The following TARDBP variants were observed in gnomAD, a reference collection of about 807,000 sequenced individuals.
TARDBP encodes TAR DNA binding protein.
TARDBP carries 4 observed loss-of-function variants against 38.3 expected under a neutral mutation model. The ratio of observed to expected loss-of-function variants is 0.10; its 90% CI spans 0.05 to 0.24. TARDBP has a LOEUF of 0.24. Ranked by LOEUF, TARDBP falls within the 10% of genes least tolerant of loss-of-function variation. The pLI is 1.00. For missense variants in TARDBP, 202 were observed against 521.9 expected (o/e 0.39, Z 5.97); for synonymous variants, 184 against 183.8 (o/e 1.00, Z -0.01).
intron 5 of TARDBP, 32 bp downstream of exon 5, chr1:11,020,631 G>A (rs765392429): frequency 4.4e-6 from 7 of 1,599,774 alleles, no homozygotes; most frequent in Non-Finnish European, 4.2e-6. Flanking sequence ...TGTCCCGGCC[G>A]GGCGTGGTGG....
In TARDBP at chr1:11,023,636, A is replaced by G. The variant is rs1278655569; in HGVS notation, c.*982A>G. On this transcript the variant is annotated 3_prime_UTR_variant, in exon 6 of 6. Transcript: ENST00000240185. ...AATGTACGAATGTTTTTTGCATTCA[A>G]AGGACATCCACATCTGTTGGAAGAC... 6 of 247,068 alleles carry G rather than the reference A, an allele frequency of 2.4e-5. No homozygotes were observed. The highest frequency in any genetic ancestry group is 1.3e-3 in the Middle Eastern group (1 of 800). The allele number at this position is 247,068 out of a possible 1,614,324, so 15.3% of individuals were successfully genotyped here.
downstream of TARDBP, chr1:11,029,633 T>TC (rs1643807334): frequency 2.3e-5 from 2 of 87,480 alleles, no homozygotes; most frequent in East Asian, 3.1e-4. Context: ...ATTTTTAAAA[T>TC]CTTTTTTTTT....
downstream of TARDBP, chr1:11,030,261 T>A: frequency 6.2e-7 from 1 of 1,605,086 alleles, no homozygotes. Context: ...CTGCAAATCA[T>A]TGGAAAAGCA....
chr1:11,024,152 A>G lies in TARDBP; in HGVS notation c.*1498A>G, dbSNP rs925739782. On this transcript the variant is annotated 3_prime_UTR_variant, in exon 6 of 6. Transcript: ENST00000240185. ...TCATAAAGTTTCTTGGCAGTAGTTT[A>G]TTTTGCTTCAAATAAACTTATTTGA... The G allele has an allele frequency of 6.6e-6, 1 of 152,460 alleles. No homozygotes were observed. Among genetic ancestry groups the G allele is most frequent in the African/African-American group, 2.4e-5 (1 of 41,396 alleles). 9.4% of individuals were successfully genotyped at this position (152,460 alleles called of 1,614,324 possible). A position where few individuals can be genotyped will look rare whatever the true frequency, so the allele number is the denominator to read the frequency against.
At chr1:11,021,618 ACT>A (rs1643640765) in intron 5 of TARDBP, among the ~76,000 whole-genome samples, 1 of 151,712 alleles carries the variant, frequency 6.6e-6, no homozygotes, top group Non-Finnish European at 1.5e-5. Flanking sequence ...ACAGGGTCTC[ACT>A]CTGTTGCCCA....
chr1:11,023,306 G>A lies in TARDBP; in HGVS notation c.*652G>A, dbSNP rs1357976372. ...TTCTCATTCAAGAATTCGTCATCAC[G>A]CATCACAGGCCGCGTCTTTGACGGT... On this transcript the variant is annotated 3_prime_UTR_variant, in exon 6 of 6. Transcript: ENST00000240185. 22 of 1,524,152 alleles carry A rather than the reference G, an allele frequency of 1.4e-5. No individual in the cohort carries two copies. Among genetic ancestry groups the A allele is most frequent in the South Asian group, 3.6e-5 (3 of 83,034 alleles). 94.4% of individuals were successfully genotyped at this position (1,524,152 alleles called of 1,614,324 possible).
chr1:11,026,997 C>T, downstream of TARDBP: 1 of 1,597,024 alleles, frequency 6.3e-7, no homozygotes, highest in African/African-American at 1.3e-5. Flanking sequence ...CACTATTCCT[C>T]CCACAAACCA....
intron 2 of TARDBP, among the ~76,000 whole-genome samples, chr1:11,016,441 T>G (rs951617766): frequency 6.6e-6 from 1 of 152,322 alleles, no homozygotes; most frequent in South Asian, 2.1e-4. Context: ...CCACTGTACC[T>G]GGTTTTCTGT....
intron 4 of TARDBP, 34 bp from the exon 5 acceptor site, chr1:11,020,395 T>G: frequency 6.2e-7 from 1 of 1,613,526 alleles, no homozygotes; most frequent in East Asian, 2.2e-5. Context: ...CATAACATAT[T>G]TCTGAGTTTT....
chr1:11,017,888 T>C (rs1643559001), intron 3 of TARDBP, among the ~76,000 whole-genome samples: 1 of 50,092 alleles, frequency 2.0e-5, no homozygotes, highest in Non-Finnish European at 4.7e-5. Context: ...TTTCTCTTTT[T>C]TCTTTTTTTT....
downstream of TARDBP, among the ~76,000 whole-genome samples, chr1:11,029,314 T>A (rs943237913): frequency 4.6e-5 from 7 of 150,610 alleles, no homozygotes; most frequent in Admixed American, 3.3e-4. Context: ...TTTGTTTTTT[T>A]AAATCATTCT....
downstream of TARDBP, chr1:11,030,217 G>A (rs201988936): frequency 4.2e-5 from 68 of 1,613,478 alleles, no homozygotes; most frequent in African/African-American, 4.4e-4. Context: ...TTTGGAGCTC[G>A]TCCAGAATCC....
chr1:11,030,377 AT>A, downstream of TARDBP: 1 of 645,986 alleles, frequency 1.5e-6, no homozygotes, highest in Non-Finnish European at 2.7e-6. Flanking sequence ...CTGAAGAACC[AT>A]TTTACATGAT....
chr1:11,028,904 G>A (rs1260513841), downstream of TARDBP, among the ~76,000 whole-genome samples: 1 of 148,884 alleles, frequency 6.7e-6, no homozygotes, highest in Non-Finnish European at 1.5e-5. Flanking sequence ...TAATAGAGAT[G>A]GGGTTTCACC....
At chr1:11,018,334 G>T in intron 3 of TARDBP, 1 of 162,842 alleles carries the variant, frequency 6.1e-6, no homozygotes. Context: ...GACTACAGGT[G>T]CATGCCACTA....
At position 11,022,699 on chromosome 1, in the gene TARDBP, A is replaced by G; in HGVS notation, c.*45A>G. On this transcript the variant is annotated 3_prime_UTR_variant, in exon 6 of 6. Coordinates refer to ENST00000240185, the MANE Select transcript of TARDBP (RefSeq NM_007375.4). The surrounding 1 kb of genome is among the most constrained non-coding windows in gnomAD (Gnocchi z 4.5). ...TTGGTATAGAATGGTGGGAATTCAA[A>G]TTTTTCTAAACTCATGGTAAGTATA... 1 of 1,585,372 alleles carries G rather than the reference A, an allele frequency of 6.3e-7. No homozygotes were observed. The highest frequency in any genetic ancestry group is 1.2e-5 in the South Asian group (1 of 86,796).
intron 1 of TARDBP, among the ~76,000 whole-genome samples, chr1:11,013,157 G>A (rs890708990): frequency 2.6e-5 from 4 of 152,244 alleles, no homozygotes; most frequent in African/African-American, 9.6e-5. Flanking sequence ...CTGTCGCCGC[G>A]GGCCTTGGGG....
At position 11,024,673 on chromosome 1, in the gene TARDBP, G is replaced by A. The variant is rs958471197; in HGVS notation, c.*2019G>A. The A allele has an allele frequency of 6.5e-6, 1 of 152,754 alleles. No individual in the cohort carries two copies. The highest frequency in any genetic ancestry group is 2.4e-5 in the African/African-American group (1 of 41,454). The allele number at this position is 152,754 out of a possible 1,614,324, so 9.5% of individuals were successfully genotyped here. On this transcript the variant is annotated 3_prime_UTR_variant, in exon 6 of 6. Transcript: ENST00000240185. ...TGGGTTGTCTGTCTGGAAGTGTTAA[G>A]TGGAATGGGCTTTGTCCTCCAGGAG...
At chr1:11,027,368 A>G, downstream of TARDBP, 6 of 1,614,248 alleles carry the variant, frequency 3.7e-6, no homozygotes, top group Non-Finnish European at 5.1e-6. Context: ...CAAAGCCAGC[A>G]TCATGAGTAT....
Sources: gnomAD v4.1 joint callset for allele counts (sites outside exome capture counted in the v4.1 genomes callset) on GRCh38, gnomAD v4.1.1 for gene constraint, Gnocchi (gnomAD v3.1) non-coding constraint, MANE v1.5 for transcripts, NCBI Gene and HGNC (gene_info 2026-07-23, HGNC 2026-07-21) for gene names.